MOV10L1: variants seen among roughly 807,000 people sequenced by gnomAD.
MOV10L1 encodes RNA helicase Mov10l1.
MOV10L1 carries 110 observed loss-of-function variants against 143.8 expected under a neutral mutation model. The observed-to-expected ratio is 0.76, with a 90% CI of 0.66 to 0.90. The LOEUF (loss-of-function observed/expected upper bound fraction) is 0.90. MOV10L1 is among the 40% of genes least tolerant of loss of function. MOV10L1 has a pLI of 0.00. For synonymous variants in MOV10L1, 593 were observed against 581.1 expected (o/e 1.02, Z -0.29); for missense variants, 1,406 against 1,526.8 (o/e 0.92, Z 1.32).
chr22:50,154,396 A>G (rs979794896), intron 22 of MOV10L1, among the ~76,000 whole-genome samples: 1 of 151,850 alleles, frequency 6.6e-6, no homozygotes, highest in Non-Finnish European at 1.5e-5. Context: ...CATCTCTTAA[A>G]AAAAAATTTT....
chr22:50,148,000 A>T (rs1358022104), intron 19 of MOV10L1, among the ~76,000 whole-genome samples: 1 of 152,236 alleles, frequency 6.6e-6, no homozygotes, highest in African/African-American at 2.4e-5. Context: ...CCGCCCCCGC[A>T]CAGGTCTGAC....
rs1420873076 is a variant in MOV10L1 at position 50,159,655 on chromosome 22, CT to C, written c.3217-20del. ...GGATTTGTACAGTGTTATCTTTAGT[CT>C]TTCTTTTAATCTGTTCTCAAGGTGG... is the stretch of plus-strand genomic sequence containing the variant. On this transcript the variant is annotated intron_variant, in intron 23 of 26. Transcript: ENST00000262794. This position sits in a 1 kb window ranked among gnomAD's most constrained non-coding sequence, Gnocchi z 4.1. 2.8e-6 allele frequency: 4 copies of C among 1,444,396 alleles called. No homozygotes were observed. In the African/African-American group the frequency reaches 5.7e-5, roughly 21 times the overall value. The allele number at this position is 1,444,396 out of a possible 1,614,324, so 89.5% of individuals were successfully genotyped here.
intron 15 of MOV10L1, among the ~76,000 whole-genome samples, chr22:50,139,324 C>G (rs987660560): frequency 6.6e-6 from 1 of 151,826 alleles, no homozygotes; most frequent in Non-Finnish European, 1.5e-5. Context: ...TCTGTTTGGG[C>G]AAGGATTTTT....
At chr22:50,104,735 A>G (rs1165922053) in intron 3 of MOV10L1, among the ~76,000 whole-genome samples, 1 of 152,196 alleles carries the variant, frequency 6.6e-6, no homozygotes, top group Non-Finnish European at 1.5e-5. Context: ...ATACTTTAAT[A>G]TCTTAGCATC....
intron 2 of MOV10L1, chr22:50,093,398 C>G (rs956135651): frequency 4.6e-5 from 7 of 152,054 alleles, no homozygotes; most frequent in African/African-American, 1.7e-4. Flanking sequence ...GTTAAGTGTG[C>G]CTCTTTTCCA....
At chr22:50,101,876 GA>G (rs1236021415) in intron 3 of MOV10L1, among the ~76,000 whole-genome samples, 6 of 152,294 alleles carry the variant, frequency 3.9e-5, no homozygotes, top group African/African-American at 1.4e-4. Flanking sequence ...TGGGATTTTA[GA>G]ATCTCTGTGC....
Position 50,090,179 on chromosome 22 carries a change from G to A in MOV10L1, c.91G>A (p.Ala31Thr), listed in dbSNP as rs2146971048. Residue 31 changes from alanine to threonine, a missense_variant, in exon 1 of 27, where the codon GCG becomes ACG. This residue lies in a region of MOV10L1 where 166 missense variants were observed against 153.9 expected (regional missense o/e 1.08). Transcript: ENST00000262794. Reference sequence around the variant, plus strand: ...AGCCGGGCAGCTGGAGCCCGAGCTCGCGGAAGGTGGCTCGCGGGAGGCGGC... The same window carrying A: ...AGCCGGGCAGCTGGAGCCCGAGCTCACGGAAGGTGGCTCGCGGGAGGCGGC... ...EEAGQLEPEL[A>T]EGDTKLKTVR... 1.4e-6 allele frequency: 2 copies of A among 1,417,808 alleles called. No individual in the cohort carries two copies. The highest frequency in any genetic ancestry group is 2.7e-5 in the East Asian group (1 of 36,454). 87.8% of individuals were successfully genotyped at this position (1,417,808 alleles called of 1,614,324 possible). A position where few individuals can be genotyped will look rare whatever the true frequency, so the allele number is the denominator to read the frequency against.
chr22:50,114,117 A>C (rs1362510959), intron 6 of MOV10L1, among the ~76,000 whole-genome samples: 1 of 150,874 alleles, frequency 6.6e-6, no homozygotes, highest in Non-Finnish European at 1.5e-5. Context: ...ACGGGGTTTC[A>C]CCGTGTTAGC....
chr22:50,117,734 C>A (rs190595594), intron 9 of MOV10L1, among the ~76,000 whole-genome samples: 1 of 152,228 alleles, frequency 6.6e-6, no homozygotes, highest in East Asian at 1.9e-4. Flanking sequence ...GTCATTCGCA[C>A]TGGGGGCAAC....
Position 50,143,143 on chromosome 22 carries a change from C to T in MOV10L1, c.2280C>T (p.Asp760=), listed in dbSNP as rs766582920. ...KLAVKRILSG[D]CRPLPYILFG... ...CAGTTAAAAGGATTCTGAGTGGTGACTGCCGTCCCCTCCCGTATATTCTCT... is the reference window on the plus strand; with the variant it reads ...CAGTTAAAAGGATTCTGAGTGGTGATTGCCGTCCCCTCCCGTATATTCTCT... The change falls in exon 17 of 27, where the codon GAC becomes GAT. Residue 760 remains aspartate (D), a synonymous_variant. Coordinates refer to ENST00000262794, the MANE Select transcript of MOV10L1 (RefSeq NM_018995.3). 12 of 1,614,070 alleles carry T rather than the reference C, an allele frequency of 7.4e-6. No individual in the cohort carries two copies. Among genetic ancestry groups the T allele is most frequent in the African/African-American group, 2.7e-5 (2 of 74,938 alleles).
At chr22:50,154,677 T>C (rs1366866714) in intron 22 of MOV10L1, among the ~76,000 whole-genome samples, 2 of 152,248 alleles carry the variant, frequency 1.3e-5, no homozygotes, top group Non-Finnish European at 2.9e-5. Context: ...AGAAGAGTCA[T>C]GAAGCCCCTC....
chr22:50,091,033 A>G (rs8139235), intron 1 of MOV10L1: 38,045 of 170,450 alleles, frequency 0.22, 4,586 homozygotes, highest in Admixed American at 0.35. Context: ...TGGAATCCAC[A>G]GTAGTGGGTC....
chr22:50,157,215 G>C (rs1468770845), intron 22 of MOV10L1, among the ~76,000 whole-genome samples: 1 of 152,054 alleles, frequency 6.6e-6, no homozygotes, highest in African/African-American at 2.4e-5. Flanking sequence ...GTGAATTTAA[G>C]ACTTCCTCGT....
At chr22:50,149,794 A>G in intron 20 of MOV10L1, 80 bp downstream of exon 20, 1 of 1,331,242 alleles carries the variant, frequency 7.5e-7, no homozygotes, top group Admixed American at 2.0e-5. Flanking sequence ...CCTGCCGGGA[A>G]CAGTCACAGC....
chr22:50,123,685 G>A (rs537652547), intron 10 of MOV10L1, among the ~76,000 whole-genome samples: 5 of 152,344 alleles, frequency 3.3e-5, no homozygotes, highest in Non-Finnish European at 7.4e-5. Context: ...AAGTCAGAGA[G>A]TATTCCCTCC....
intron 3 of MOV10L1, among the ~76,000 whole-genome samples, chr22:50,105,926 T>C (rs2061854117): frequency 6.6e-6 from 1 of 152,198 alleles, no homozygotes; most frequent in Non-Finnish European, 1.5e-5. Context: ...GTCTGGAGGA[T>C]CACGTGTGCG....
At chr22:50,135,023 T>A (rs976358136) in intron 15 of MOV10L1, among the ~76,000 whole-genome samples, 10 of 151,028 alleles carry the variant, frequency 6.6e-5, no homozygotes, top group African/African-American at 2.2e-4. Context: ...TTTTCTTTCT[T>A]TTTTTTTTGA....
chr22:50,102,156 TGAGA>T (rs2061762051), intron 3 of MOV10L1, among the ~76,000 whole-genome samples: 1 of 152,212 alleles, frequency 6.6e-6, no homozygotes, highest in East Asian at 1.9e-4. Context: ...CTCTTGAGGC[TGAGA>T]GAGTCACACT....
In MOV10L1 at chr22:50,153,361, G is replaced by C; in HGVS notation, c.3066+143G>C. ...TCTCCAGAGAGTGAAAAGCCATCGG[G>C]GGCTTGTGCCCCCCAAGATGGATGC... On this transcript the variant is annotated intron_variant, in intron 22 of 26. Coordinates refer to ENST00000262794, the MANE Select transcript of MOV10L1 (RefSeq NM_018995.3). 3.9e-6 allele frequency: 4 copies of C among 1,029,204 alleles called. No homozygotes were observed. In the South Asian group the frequency reaches 7.3e-5, roughly 19 times the overall value. The allele number at this position is 1,029,204 out of a possible 1,614,324, so 63.8% of individuals were successfully genotyped here. A position where few individuals can be genotyped will look rare whatever the true frequency, so the allele number is the denominator to read the frequency against.
Sources: allele counts gnomAD v4.1 joint callset (sites outside exome capture counted in the v4.1 genomes callset), GRCh38; gene constraint gnomAD v4.1.1; regional missense constraint gnomAD v4.1.1; non-coding constraint Gnocchi (gnomAD v3.1); transcripts MANE v1.5; gene names NCBI Gene and HGNC (gene_info 2026-07-23, HGNC 2026-07-21).